The following MTM1 variants were observed in gnomAD, a reference collection of about 807,000 sequenced individuals.
The protein encoded by MTM1 is myotubularin 1.
Under a neutral mutation model 52.1 loss-of-function variants are expected in MTM1, and 9 were observed. That is an observed-to-expected ratio of 0.17 (90% CI 0.10 to 0.30). MTM1 has a LOEUF of 0.30. Among genes scored for constraint, MTM1 ranks in the 10% least tolerant of loss-of-function variants. The pLI, the probability that MTM1 is intolerant of heterozygous loss-of-function variation, is 1.00. For synonymous variants in MTM1, 136 were observed against 163.8 expected (o/e 0.83, Z 1.29); for missense variants, 277 against 470.7 (o/e 0.59, Z 3.81).
chrX:150,621,118 CAAAAAA>C (rs149399125), intron 6 of MTM1, among the ~76,000 whole-genome samples: 1 of 44,240 alleles, frequency 2.3e-5, no homozygotes. Context: ...AGCTCCATCT[CAAAAAA>C]AAAAAAAAAA....
At chrX:150,665,074 G>A (rs782496171) in intron 14 of MTM1, among the ~76,000 whole-genome samples, 1 of 112,125 alleles carries the variant, frequency 8.9e-6, no homozygotes, top group African/African-American at 3.2e-5. Flanking sequence ...AATGGAACTG[G>A]CCTGGAGAGG....
At chrX:150,584,165 TTATA>T (rs1376210912) in intron 1 of MTM1, among the ~76,000 whole-genome samples, 6 of 104,551 alleles carry the variant, frequency 5.7e-5, no homozygotes, top group Admixed American at 1.1e-4. Context: ...AAAGCACTGT[TTATA>T]ATTGAAACCT....
chrX:150,627,708 T>C (rs902231737), intron 6 of MTM1, among the ~76,000 whole-genome samples: 3 of 111,683 alleles, frequency 2.7e-5, no homozygotes, highest in East Asian at 5.6e-4. Context: ...CTGATGTGGG[T>C]GTGTCTTGTG....
chrX:150,650,790 A>G (rs1436250862), intron 10 of MTM1, among the ~76,000 whole-genome samples: 1 of 111,416 alleles, frequency 9.0e-6, no homozygotes, highest in Non-Finnish European at 1.9e-5. Context: ...CTGACAGAAC[A>G]TTTTCCTAAA....
intron 9 of MTM1, among the ~76,000 whole-genome samples, chrX:150,646,940 A>G (rs1291756107): frequency 6.3e-5 from 7 of 111,414 alleles, no homozygotes; most frequent in Non-Finnish European, 1.3e-4. Context: ...CTTCTGTCCT[A>G]CACATTTAAT....
chrX:150,669,036 C>T (rs1557415073), intron 14 of MTM1, among the ~76,000 whole-genome samples: 1 of 110,904 alleles, frequency 9.0e-6, no homozygotes, highest in East Asian at 2.8e-4. Flanking sequence ...CCCTCACCCC[C>T]CACTCCCCAA....
At chrX:150,565,413 C>T (rs1227194194), upstream of MTM1, among the ~76,000 whole-genome samples, 1 of 111,883 alleles carries the variant, frequency 8.9e-6, no homozygotes, top group Non-Finnish European at 1.9e-5. Flanking sequence ...ATTTTTCATT[C>T]CTAATTTTCT....
At chrX:150,586,152 A>G (rs1444516566) in intron 1 of MTM1, among the ~76,000 whole-genome samples, 1 of 112,425 alleles carries the variant, frequency 8.9e-6, no homozygotes, top group Admixed American at 9.4e-5. Flanking sequence ...TTTAAATGAA[A>G]TACTATATAG....
chrX:150,586,251 A>ATAG (rs2038784303), intron 1 of MTM1, among the ~76,000 whole-genome samples: 1 of 112,051 alleles, frequency 8.9e-6, no homozygotes, highest in Non-Finnish European at 1.9e-5. Flanking sequence ...AGAAGCTCTA[A>ATAG]TGCTTCTGTT....
intron 6 of MTM1, among the ~76,000 whole-genome samples, chrX:150,627,142 C>T (rs1008817839): frequency 1.1e-4 from 12 of 111,601 alleles, no homozygotes; most frequent in African/African-American, 3.9e-4. Flanking sequence ...TGCAATCAGT[C>T]GTCTAGCCCG....
chrX:150,578,514 T>C (rs782582830), intron 1 of MTM1, among the ~76,000 whole-genome samples: 45 of 112,511 alleles, frequency 4.0e-4, no homozygotes, highest in South Asian at 3.7e-3. Flanking sequence ...TATTCAGCAA[T>C]ATAAAACTAG....
intron 1 of MTM1, among the ~76,000 whole-genome samples, chrX:150,590,411 G>C (rs910539023): frequency 8.9e-6 from 1 of 111,841 alleles, no homozygotes. Context: ...AAATTTATAG[G>C]GATAGCAAAT....
At chrX:150,618,136 G>A (rs111387027) in intron 5 of MTM1, among the ~76,000 whole-genome samples, 2,561 of 111,636 alleles carry the variant, frequency 0.023, 65 homozygotes, top group African/African-American at 0.078. Flanking sequence ...GTTCCCAAAA[G>A]TGTAGTTACT....
At chrX:150,605,471 A>G (rs1356711964) in intron 4 of MTM1, among the ~76,000 whole-genome samples, 2 of 112,671 alleles carry the variant, frequency 1.8e-5, no homozygotes, top group Non-Finnish European at 3.8e-5. Context: ...GCTTTTCTCT[A>G]AAAGATAGTG....
intron 4 of MTM1, among the ~76,000 whole-genome samples, chrX:150,605,685 G>C (rs1303811857): frequency 8.9e-6 from 1 of 112,343 alleles, no homozygotes; most frequent in Non-Finnish European, 1.9e-5. Context: ...AATATTTGGA[G>C]AATCAAGACG....
rs782546479 is a variant in MTM1 at position 150,672,322 on chromosome X, A to C, written c.*727A>C. The C allele has an allele frequency of 8.9e-6, 1 of 112,042 alleles. No individual in the cohort carries two copies. Among genetic ancestry groups the C allele is most frequent in the Admixed American group, 9.5e-5 (1 of 10,542 alleles). The allele number at this position is 112,042 out of a possible 1,213,427, so 9.2% of individuals were successfully genotyped here. On this transcript the variant is annotated 3_prime_UTR_variant, in exon 15 of 15. Coordinates refer to ENST00000370396, the MANE Select transcript of MTM1 (RefSeq NM_000252.3). ...CTAAATTCTTTCATGAGCTTGCCTA[A>C]AATTCGGAATGGTTTTCGGGTTGTG...
At chrX:150,648,700 G>A (rs2039972984) in intron 9 of MTM1, among the ~76,000 whole-genome samples, 1 of 112,883 alleles carries the variant, frequency 8.9e-6, no homozygotes, top group Non-Finnish European at 1.9e-5. Flanking sequence ...TCTTCACCAT[G>A]CTGTGAAGAT....
At chrX:150,620,968 A>G (rs2039469365) in intron 6 of MTM1, among the ~76,000 whole-genome samples, 1 of 109,311 alleles carries the variant, frequency 9.1e-6, no homozygotes, top group Admixed American at 9.8e-5. Context: ...ATATAAAAAT[A>G]TTAGCTGGGT....
At chrX:150,579,693 G>A (rs781930132) in intron 1 of MTM1, among the ~76,000 whole-genome samples, 60 of 108,335 alleles carry the variant, frequency 5.5e-4, no homozygotes, top group Non-Finnish European at 9.4e-4. Flanking sequence ...GTAGAGATAG[G>A]GTCTTGCTGT....
Sources: gnomAD v4.1 joint callset for allele counts (sites outside exome capture counted in the v4.1 genomes callset) on GRCh38, gnomAD v4.1.1 for gene constraint, MANE v1.5 for transcripts, NCBI Gene and HGNC (gene_info 2026-07-23, HGNC 2026-07-21) for gene names.